The following APBB2 variants were observed in gnomAD, a reference collection of about 807,000 sequenced individuals.
The protein encoded by APBB2 is Fe65-like 1.
APBB2 carries 38 observed loss-of-function variants against 82.5 expected under a neutral mutation model. That is an observed-to-expected ratio of 0.46 (90% CI 0.36 to 0.60). The LOEUF is 0.60. Among genes scored for constraint, APBB2 ranks in the 20% least tolerant of loss-of-function variants. The probability of loss-of-function intolerance (pLI) is 0.00; values close to 1 mark genes in which losing one functional copy is unlikely to be tolerated. For missense variants in APBB2, 772 were observed against 972.3 expected (o/e 0.79, Z 2.74); for synonymous variants, 341 against 368.2 (o/e 0.93, Z 0.85).
At chr4:41,146,035 T>G (rs1760613509) in intron 1 of APBB2, among the ~76,000 whole-genome samples, 2 of 150,720 alleles carry the variant, frequency 1.3e-5, no homozygotes, top group African/African-American at 2.4e-5. Context: ...ACAAAAAATT[T>G]TAAATATTTA....
At chr4:40,890,063 T>C (rs1306298772) in intron 12 of APBB2, among the ~76,000 whole-genome samples, 1 of 152,128 alleles carries the variant, frequency 6.6e-6, no homozygotes, top group South Asian at 2.1e-4. Flanking sequence ...AAAAAGGGGT[T>C]CAGATGGCCT....
intron 10 of APBB2, among the ~76,000 whole-genome samples, chr4:40,916,642 C>T (rs1238337485): frequency 6.6e-6 from 1 of 152,154 alleles, no homozygotes; most frequent in Admixed American, 6.5e-5. Flanking sequence ...GTGTACGTGG[C>T]CACCAGGAAA....
intron 10 of APBB2, among the ~76,000 whole-genome samples, chr4:40,907,368 TATATATATATA>T (rs1346599564): frequency 1.5e-5 from 1 of 68,466 alleles, no homozygotes; most frequent in Non-Finnish European, 2.4e-5. Flanking sequence ...TATATATATA[TATATATATATA>T]TTTTTTTTTT....
Position 41,031,240 on chromosome 4 carries a change from A to G in APBB2, c.19+1996T>C, listed in dbSNP as rs866660646. Among the ~76,000 whole-genome samples, 1,260 of 151,490 alleles carry G rather than the reference A, an allele frequency of 8.3e-3. 20 individuals are homozygous for G. The highest frequency in any genetic ancestry group is 0.028 in the African/African-American group (1,143 of 40,868). Reference sequence around the variant, plus strand: ...ACTCTGTCTCAAAAAAAATTTAAATAAATAAATAAATAAATAAATTCTGGC... The same window carrying G: ...ACTCTGTCTCAAAAAAAATTTAAATGAATAAATAAATAAATAAATTCTGGC... On this transcript the variant is annotated intron_variant, in intron 5 of 17. Transcript: ENST00000508593.
intron 6 of APBB2, among the ~76,000 whole-genome samples, chr4:41,010,947 T>A (rs1355346776): frequency 6.6e-6 from 1 of 152,152 alleles, no homozygotes; most frequent in Non-Finnish European, 1.5e-5. Context: ...CAATTTTGTT[T>A]CTTTTTTTAT....
chr4:41,087,288 A>G (rs1357315075), intron 3 of APBB2, among the ~76,000 whole-genome samples: 2 of 152,232 alleles, frequency 1.3e-5, no homozygotes, highest in African/African-American at 4.8e-5. Flanking sequence ...TTTTCTGTAG[A>G]AACGGAAAAA....
intron 6 of APBB2, among the ~76,000 whole-genome samples, chr4:40,969,069 A>G (rs1795345381): frequency 6.6e-6 from 1 of 152,194 alleles, no homozygotes; most frequent in Non-Finnish European, 1.5e-5. Context: ...AGGCCTCCCC[A>G]GCCACATGGA....
At position 40,811,108 on chromosome 4, in the gene APBB2, A is replaced by G. The variant is rs1229185533; in HGVS notation, c.*4984T>C. 1 of 152,124 alleles carries G rather than the reference A, an allele frequency of 6.6e-6. No individual in the cohort carries two copies. Among genetic ancestry groups the G allele is most frequent in the African/African-American group, 2.4e-5 (1 of 41,362 alleles). The allele number at this position is 152,124 out of a possible 1,614,324, so 9.4% of individuals were successfully genotyped here. On this transcript the variant is annotated 3_prime_UTR_variant, in exon 18 of 18. Transcript: ENST00000508593. ...TTGCCACTTACATTGATTATCTCCT[A>G]ACATGCATTTGGCACTAAATTATTT...
chr4:41,133,114 G>C (rs1330064942), intron 2 of APBB2, among the ~76,000 whole-genome samples: 1 of 151,782 alleles, frequency 6.6e-6, no homozygotes, highest in Non-Finnish European at 1.5e-5. Flanking sequence ...ATTCCACAAG[G>C]CATTTTTTTC....
At chr4:41,172,476 T>C (rs903097482) in intron 1 of APBB2, among the ~76,000 whole-genome samples, 1 of 152,216 alleles carries the variant, frequency 6.6e-6, no homozygotes, top group Admixed American at 6.5e-5. Flanking sequence ...TAGCACTCTA[T>C]AATTACTCTT....
chr4:40,920,179 T>C (rs1169096124), intron 10 of APBB2, among the ~76,000 whole-genome samples: 2 of 152,194 alleles, frequency 1.3e-5, no homozygotes, highest in Admixed American at 6.5e-5. Context: ...TTTCCCATGC[T>C]GTTCTCATGA....
intron 6 of APBB2, among the ~76,000 whole-genome samples, chr4:40,996,254 T>A (rs1326996148): frequency 6.6e-6 from 1 of 152,224 alleles, no homozygotes; most frequent in Non-Finnish European, 1.5e-5. Context: ...AATTTAATAT[T>A]TAAGATGAGG....
intron 1 of APBB2, among the ~76,000 whole-genome samples, chr4:41,188,263 C>T (rs1040407136): frequency 6.6e-6 from 1 of 152,184 alleles, no homozygotes; most frequent in Admixed American, 6.5e-5. Context: ...GAGACATTTC[C>T]AGCCCTATTG....
chr4:40,888,773 A>C (rs1771092044), intron 12 of APBB2, among the ~76,000 whole-genome samples: 1 of 151,482 alleles, frequency 6.6e-6, no homozygotes, highest in Admixed American at 6.6e-5. Context: ...CAAGCTCCAC[A>C]CTTTGGCCCC....
At chr4:40,858,693 T>A (rs1247298920) in intron 12 of APBB2, among the ~76,000 whole-genome samples, 6 of 152,178 alleles carry the variant, frequency 3.9e-5, no homozygotes, top group Admixed American at 6.6e-5. Context: ...GTTTTCTCAT[T>A]TGTTCAACAT....
chr4:40,962,525 G>A (rs1218871495), intron 6 of APBB2, among the ~76,000 whole-genome samples: 3 of 152,152 alleles, frequency 2.0e-5, no homozygotes, highest in Non-Finnish European at 4.4e-5. Context: ...GCAAAGACCA[G>A]ACTTCTTGTT....
chr4:40,854,443 G>A (rs1004159690), intron 12 of APBB2, among the ~76,000 whole-genome samples: 2 of 152,104 alleles, frequency 1.3e-5, no homozygotes, highest in African/African-American at 2.4e-5. Flanking sequence ...CTTAACACTC[G>A]GGAGCCTGGA....
chr4:41,125,437 G>T (rs1214041800), intron 2 of APBB2, among the ~76,000 whole-genome samples: 1 of 152,122 alleles, frequency 6.6e-6, no homozygotes, highest in Admixed American at 6.5e-5. Context: ...TAAATATCCT[G>T]AGGTTGGGTG....
intron 1 of APBB2, among the ~76,000 whole-genome samples, chr4:41,194,588 T>C: frequency 1.3e-5 from 2 of 152,168 alleles, no homozygotes; most frequent in African/African-American, 2.4e-5. Context: ...GAGAATCGTC[T>C]GAGGATGGAT....
Sources: allele counts gnomAD v4.1 joint callset (sites outside exome capture counted in the v4.1 genomes callset), GRCh38; gene constraint gnomAD v4.1.1; transcripts MANE v1.5; gene names NCBI Gene and HGNC (gene_info 2026-07-23, HGNC 2026-07-21).